CIZ1: variants seen among roughly 807,000 people sequenced by gnomAD.
CIZ1 encodes CDKN1A interacting zinc finger protein 1.
A neutral mutation model predicts 118.6 loss-of-function variants in CIZ1; 58 were observed. That is an observed-to-expected ratio of 0.49 (90% CI 0.40 to 0.61). CIZ1 has a LOEUF of 0.61. Ranked by LOEUF, CIZ1 falls within the 20% of genes least tolerant of loss-of-function variation. The pLI is 0.00. For synonymous variants in CIZ1, 448 were observed against 443.4 expected (o/e 1.01, Z -0.13); for missense variants, 921 against 1,115.9 (o/e 0.83, Z 2.49).
At chr9:128,167,272 T>C (rs1829553039) in intron 14 of CIZ1, 108 bp from the exon 15 acceptor site, 1 of 814,404 alleles carries the variant, frequency 1.2e-6, no homozygotes, top group Admixed American at 3.0e-5. Flanking sequence ...CAGAATCCCC[T>C]TGATTTCCAG....
chr9:128,169,246 C>G (rs1829820371), intron 13 of CIZ1, 45 bp from the exon 14 acceptor site: 2 of 1,599,148 alleles, frequency 1.3e-6, no homozygotes, highest in South Asian at 1.1e-5. Flanking sequence ...TCTGAACAGC[C>G]AGGGGGCCAT....
At chr9:128,169,758 G>A (rs1829907272) in intron 12 of CIZ1, 10 of 1,496,974 alleles carry the variant, frequency 6.7e-6, no homozygotes, top group African/African-American at 1.4e-5. Context: ...GAGAGAAGAC[G>A]AGAGAGAGGG....
chr9:128,166,886 G>T lies in CIZ1; in HGVS notation c.2366-6C>A. Reference sequence around the variant, plus strand: ...GGGCACCAGGAAGTCCACACCTGTAGGATGGGATGGCAGGGTCTGCACTCA... The same window carrying T: ...GGGCACCAGGAAGTCCACACCTGTATGATGGGATGGCAGGGTCTGCACTCA... On this transcript the variant is annotated splice_polypyrimidine_tract_variant and splice_region_variant and intron_variant, in intron 15 of 16. Coordinates refer to ENST00000372938, the MANE Select transcript of CIZ1 (RefSeq NM_001131016.2). This position sits in a 1 kb window ranked among gnomAD's most constrained non-coding sequence, Gnocchi z 4.4. 5 of 1,614,180 alleles carry T rather than the reference G, an allele frequency of 3.1e-6. No homozygotes were observed. Among genetic ancestry groups the T allele is most frequent in the Non-Finnish European group, 4.2e-6 (5 of 1,180,022 alleles).
chr9:128,196,129 A>C (rs1397060885), upstream of CIZ1, among the ~76,000 whole-genome samples: 2 of 152,030 alleles, frequency 1.3e-5, no homozygotes, highest in African/African-American at 2.4e-5. Context: ...GGCCTCCTAA[A>C]TTGCTGGGAT....
chr9:128,175,302 G>T (rs995650132), intron 11 of CIZ1, among the ~76,000 whole-genome samples: 3 of 151,960 alleles, frequency 2.0e-5, no homozygotes, highest in African/African-American at 7.3e-5. Context: ...ATCATTTCCC[G>T]TTAGATTTTT....
chr9:128,200,768 C>T (rs201997365), intron 1 of CIZ1, among the ~76,000 whole-genome samples: 3 of 148,978 alleles, frequency 2.0e-5, no homozygotes, highest in South Asian at 2.2e-4. Context: ...ACTTGGGAGG[C>T]GGAGGTTGCA....
Position 128,185,591 on chromosome 9 carries a change from G to C in CIZ1, c.544C>G (p.Gln182Glu), listed in dbSNP as rs144171702. ...SQFNLSGRNPQKQARTSSSTT... is the reference protein window; with the variant it reads ...SQFNLSGRNPEKQARTSSSTT... ...GAGGAGGAGGTCCGGGCCTGTTTCT[G>C]GGGGTTCCGTCCTGAAAGGTTGAAC... Residue 182 changes from glutamine to glutamate, a missense_variant, in exon 5 of 17, where the codon CAG (glutamine) becomes GAG (glutamate). Coordinates refer to ENST00000372938, the MANE Select transcript of CIZ1 (RefSeq NM_001131016.2). 2.6e-6 allele frequency: 4 copies of C among 1,530,398 alleles called. No individual in the cohort carries two copies. Among genetic ancestry groups the C allele is most frequent in the Non-Finnish European group, 3.5e-6 (4 of 1,138,714 alleles). The allele number at this position is 1,530,398 out of a possible 1,614,324, so 94.8% of individuals were successfully genotyped here. A position where few individuals can be genotyped will look rare whatever the true frequency, so the allele number is the denominator to read the frequency against.
chr9:128,179,331 C>G lies in CIZ1; in HGVS notation c.876G>C (p.Gln292His). The change falls in exon 8 of 17, where the codon CAG becomes CAC. Residue 292 changes from glutamine (Q) to histidine (H), a missense_variant. By Grantham distance (24) the Gln-to-His change is conservative. Coordinates refer to ENST00000372938, the MANE Select transcript of CIZ1 (RefSeq NM_001131016.2). ...CAGGCAGCAGGTCTGGTGTCTGTGTCTGTTTCGGTACTGTCATCCGGGCCT... is the reference window on the plus strand; with the variant it reads ...CAGGCAGCAGGTCTGGTGTCTGTGTGTGTTTCGGTACTGTCATCCGGGCCT... ...QPQARMTVPK[Q>H]TQTPDLLPEA... is the part of the protein sequence containing the mutation. The G allele has an allele frequency of 6.2e-7, 1 of 1,614,060 alleles. No individual in the cohort carries two copies. Among genetic ancestry groups the G allele is most frequent in the South Asian group, 1.1e-5 (1 of 91,064 alleles).
chr9:128,168,832 G>T, intron 14 of CIZ1: 1 of 607,562 alleles, frequency 1.6e-6, no homozygotes, highest in Non-Finnish European at 2.8e-6. Context: ...CTCCACACAG[G>T]TCCAAATTTC....
intron 5 of CIZ1, among the ~76,000 whole-genome samples, chr9:128,185,121 A>C (rs934617748): frequency 6.6e-6 from 1 of 152,116 alleles, no homozygotes; most frequent in Non-Finnish European, 1.5e-5. Context: ...TTTACTAAAA[A>C]TACAAAATTA....
chr9:128,190,997 T>C (rs1833070325), intron 1 of CIZ1, 135 bp from the exon 2 acceptor site: 1 of 1,297,802 alleles, frequency 7.7e-7, no homozygotes, highest in Non-Finnish European at 1.0e-6. Flanking sequence ...TTCCCAGTCC[T>C]GCCAAGAGCC....
Position 128,185,552 on chromosome 9 carries a change from G to A in CIZ1, c.583C>T (p.Arg195Ter). Residue 195 changes from arginine to a stop codon, truncating the protein, a stop_gained, in exon 5 of 17, where the codon CGA (arginine) becomes TGA (stop). Coordinates refer to ENST00000372938, the MANE Select transcript of CIZ1 (RefSeq NM_001131016.2). LOFTEE classifies it high-confidence loss of function. ...CATCCCCACCTACCACTCACCTTTC[G>A]ATTGGGGGTGGTAGAGGAGGAGGTC... ...ARTSSSTTPN[R>*]KDSSSQTMPV... 3 of 1,511,782 alleles carry A rather than the reference G, an allele frequency of 2.0e-6. No homozygotes were observed. The highest frequency in any genetic ancestry group is 2.7e-6 in the Non-Finnish European group (3 of 1,129,234). 93.6% of individuals were successfully genotyped at this position (1,511,782 alleles called of 1,614,324 possible).
chr9:128,177,906 C>A, intron 9 of CIZ1, 143 bp from the exon 10 acceptor site: 1 of 620,682 alleles, frequency 1.6e-6, no homozygotes, highest in Non-Finnish European at 2.7e-6. Context: ...CTGACTACCC[C>A]AGCTTGCACA....
upstream of CIZ1, among the ~76,000 whole-genome samples, chr9:128,194,968 C>G (rs1202757793): frequency 3.3e-5 from 5 of 152,162 alleles, no homozygotes; most frequent in Non-Finnish European, 5.9e-5. Context: ...CAAGTCCATG[C>G]CACCACGCCC....
intron 5 of CIZ1, among the ~76,000 whole-genome samples, chr9:128,181,764 CGGGG>C (rs74186833): frequency 0.039 from 4,570 of 116,384 alleles, 157 homozygotes; most frequent in African/African-American, 0.1. Context: ...CCAGGAAAGG[CGGGG>C]GGGGGGGGGG....
At chr9:128,168,908 A>C (rs1175168052) in intron 14 of CIZ1, 144 bp downstream of exon 14, 11 of 1,136,104 alleles carry the variant, frequency 9.7e-6, no homozygotes, top group East Asian at 9.5e-5. Context: ...AGTCATGCAG[A>C]AGGCAGTTGA....
chr9:128,168,767 A>T (rs1349095324), intron 14 of CIZ1: 2 of 410,772 alleles, frequency 4.9e-6, no homozygotes, highest in Non-Finnish European at 9.1e-6. Flanking sequence ...TTTCCTTTGC[A>T]CACTACATAG....
At chr9:128,199,557 T>A (rs1404438496) in intron 1 of CIZ1, among the ~76,000 whole-genome samples, 2 of 151,970 alleles carry the variant, frequency 1.3e-5, no homozygotes, top group East Asian at 3.9e-4. Context: ...TTGTTTTAAT[T>A]AACTGGGCAT....
chr9:128,181,685 C>T (rs1006812144), intron 5 of CIZ1, among the ~76,000 whole-genome samples: 2 of 151,190 alleles, frequency 1.3e-5, no homozygotes, highest in South Asian at 4.2e-4. Flanking sequence ...GGAAGACGCC[C>T]GTTACCAGGC....
Sources: allele counts gnomAD v4.1 joint callset (sites outside exome capture counted in the v4.1 genomes callset), GRCh38; gene constraint gnomAD v4.1.1; non-coding constraint Gnocchi (gnomAD v3.1); transcripts MANE v1.5; gene names NCBI Gene and HGNC (gene_info 2026-07-23, HGNC 2026-07-21).